The following PLEKHA7 variants were observed in gnomAD, a reference collection of about 807,000 sequenced individuals.
PLEKHA7 encodes the protein pleckstrin homology domain containing A7.
A neutral mutation model predicts 170.0 loss-of-function variants in PLEKHA7; 104 were observed. The ratio of observed to expected loss-of-function variants is 0.61; its 90% confidence interval spans 0.52 to 0.72. The LOEUF is 0.72. Among genes scored for constraint, PLEKHA7 ranks in the 30% least tolerant of loss-of-function variants. The probability of loss-of-function intolerance (pLI) is 0.00; values close to 1 mark genes in which losing one functional copy is unlikely to be tolerated. For missense variants in PLEKHA7, 1,615 were observed against 1,671.7 expected, an observed-to-expected ratio of 0.97 and a Z score of 0.59; for synonymous variants, 648 against 660.8, an observed-to-expected ratio of 0.98 and a Z score of 0.30.
chr11:16,811,077 C>T (rs568852959), intron 13 of PLEKHA7, among the ~76,000 whole-genome samples: 2 of 152,292 alleles, frequency 1.3e-5, no homozygotes, highest in African/African-American at 4.8e-5. Context: ...TTCTGCTGTG[C>T]CATTCTGTGG....
chr11:16,987,260 C>A (rs1307947903), intron 3 of PLEKHA7, among the ~76,000 whole-genome samples: 1 of 150,314 alleles, frequency 6.7e-6, no homozygotes, highest in South Asian at 2.1e-4. Context: ...TCCCATCCCC[C>A]ACACCCCCCA....
At chr11:16,910,057 T>C (rs1250861775) in intron 3 of PLEKHA7, among the ~76,000 whole-genome samples, 1 of 152,124 alleles carries the variant, frequency 6.6e-6, no homozygotes, top group Non-Finnish European at 1.5e-5. Flanking sequence ...AAGGATAATA[T>C]ACTTGGCCAA....
At chr11:16,790,715 C>A (rs1847779794) in intron 21 of PLEKHA7, 83 bp downstream of exon 21, 2 of 1,388,016 alleles carry the variant, frequency 1.4e-6, no homozygotes, top group Non-Finnish European at 2.0e-6. Context: ...GAGCTGCAGG[C>A]AGAAGGGTAC....
At chr11:16,845,052 G>T (rs982461219) in intron 8 of PLEKHA7, among the ~76,000 whole-genome samples, 2 of 152,234 alleles carry the variant, frequency 1.3e-5, no homozygotes, top group Non-Finnish European at 2.9e-5. Context: ...GCTGTGAGGA[G>T]AACAGGGGAG....
intron 3 of PLEKHA7, among the ~76,000 whole-genome samples, chr11:17,000,116 C>A (rs4757479): frequency 0.61 from 92,178 of 152,010 alleles, 28,669 homozygotes; most frequent in East Asian, 0.96. Flanking sequence ...CAGAGTCTCA[C>A]TCTGTCACCC....
Position 16,790,784 on chromosome 11 carries a change from G to C in PLEKHA7, c.3052+14C>G, listed in dbSNP as rs1258111431. The C allele has an allele frequency of 6.2e-7, 1 of 1,605,082 alleles. No homozygotes were observed. The highest frequency in any genetic ancestry group is 1.1e-5 in the South Asian group (1 of 89,776). ...GGGATTCCCAGAGAAACTCCAGGGA[G>C]GGCCCTGCCTTACCTCTGCCTGGCA... On this transcript the variant is annotated intron_variant, in intron 21 of 26. Coordinates refer to ENST00000531066, the MANE Select transcript of PLEKHA7 (RefSeq NM_001329630.2).
At position 16,803,060 on chromosome 11, in the gene PLEKHA7, C is replaced by G. The variant is rs1203675109; in HGVS notation, c.2077-8G>C. On this transcript the variant is annotated splice_region_variant and splice_polypyrimidine_tract_variant and intron_variant, in intron 14 of 26. Transcript: ENST00000531066. ...GAAGATGCTCAGTTTGACCTAAAAGCAAGAACAGGTGGAGAGGGCCTGGGG... is the reference window on the plus strand; with the variant it reads ...GAAGATGCTCAGTTTGACCTAAAAGGAAGAACAGGTGGAGAGGGCCTGGGG... 6.2e-7 allele frequency: 1 copy of G among 1,613,044 alleles called. No homozygotes were observed. The highest frequency in any genetic ancestry group is 1.7e-5 in the Admixed American group (1 of 60,026).
intron 3 of PLEKHA7, among the ~76,000 whole-genome samples, chr11:16,924,658 AGTGCTG>A (rs1565121332): frequency 6.6e-6 from 1 of 152,072 alleles, no homozygotes; most frequent in Non-Finnish European, 1.5e-5. Flanking sequence ...CTTCGGGGGC[AGTGCTG>A]GTGCCTTGGG....
intron 3 of PLEKHA7, among the ~76,000 whole-genome samples, chr11:16,964,933 T>C (rs1300697979): frequency 6.6e-6 from 1 of 152,106 alleles, no homozygotes; most frequent in African/African-American, 2.4e-5. Flanking sequence ...ACAGCAGGTA[T>C]GTATATAATT....
At chr11:16,898,700 T>C (rs1478029253) in intron 3 of PLEKHA7, among the ~76,000 whole-genome samples, 1 of 152,206 alleles carries the variant, frequency 6.6e-6, no homozygotes, top group Non-Finnish European at 1.5e-5. Context: ...CTGGCATGTG[T>C]TGGCTCCTCT....
intron 3 of PLEKHA7, among the ~76,000 whole-genome samples, chr11:16,923,787 C>T (rs557851873): frequency 1.1e-4 from 16 of 152,134 alleles, no homozygotes; most frequent in Non-Finnish European, 1.9e-4. Flanking sequence ...TAAACTCAGC[C>T]GCCTCTTGCA....
At chr11:16,931,755 T>TTCC (rs1859946752) in intron 3 of PLEKHA7, among the ~76,000 whole-genome samples, 1 of 124,682 alleles carries the variant, frequency 8.0e-6, no homozygotes, top group African/African-American at 3.4e-5. Flanking sequence ...TGAGATTCCA[T>TTCC]CCCCCCCCCC....
At chr11:16,786,581 T>C in intron 23 of PLEKHA7, 194 bp from the exon 24 acceptor site, 2 of 985,452 alleles carry the variant, frequency 2.0e-6, no homozygotes, top group Non-Finnish European at 2.4e-6. Flanking sequence ...CTCTCTGATC[T>C]GGGTTCCCAG....
At chr11:16,816,134 G>C in intron 12 of PLEKHA7, 44 bp downstream of exon 12, 1 of 1,494,222 alleles carries the variant, frequency 6.7e-7, no homozygotes. Flanking sequence ...GGAAAATGTT[G>C]ATGAGATAGG....
At chr11:16,951,818 T>A (rs1336106966) in intron 3 of PLEKHA7, among the ~76,000 whole-genome samples, 1 of 152,374 alleles carries the variant, frequency 6.6e-6, no homozygotes, top group African/African-American at 2.4e-5. Context: ...TGAGACTGGA[T>A]GATAAAGTGC....
At position 16,817,402 on chromosome 11, in the gene PLEKHA7, A is replaced by G. The variant is rs1363719224; in HGVS notation, c.1344-80T>C. On this transcript the variant is annotated intron_variant, in intron 10 of 26. Transcript: ENST00000531066. This position sits in a 1 kb window ranked among gnomAD's most constrained non-coding sequence, Gnocchi z 4.4. ...TTGGGGAACATATCTAAGTAAACCCACAAAGCTGGGCATGTGGGACAGTCC... is the reference window on the plus strand; with the variant it reads ...TTGGGGAACATATCTAAGTAAACCCGCAAAGCTGGGCATGTGGGACAGTCC... 2 of 1,407,892 alleles carry G rather than the reference A, an allele frequency of 1.4e-6. No individual in the cohort carries two copies. Among genetic ancestry groups the G allele is most frequent in the African/African-American group, 2.9e-5 (2 of 69,762 alleles). The allele number at this position is 1,407,892 out of a possible 1,614,324, so 87.2% of individuals were successfully genotyped here.
chr11:16,892,463 TGAGATA>T (rs1398825583), intron 3 of PLEKHA7, among the ~76,000 whole-genome samples: 2 of 147,150 alleles, frequency 1.4e-5, no homozygotes, highest in Admixed American at 1.4e-4. Context: ...TGTTTTGTTT[TGAGATA>T]AAGTATCACT....
At chr11:16,851,088 T>C in intron 8 of PLEKHA7, 103 bp downstream of exon 8, 1 of 802,460 alleles carries the variant, frequency 1.2e-6, no homozygotes, top group Non-Finnish European at 1.9e-6. Flanking sequence ...TGAAACTCTC[T>C]AGCTTCTTCC....
At position 16,783,897 on chromosome 11, in the gene PLEKHA7, C is replaced by T. The variant is rs534549766; in HGVS notation, c.3517-64G>A. ...GATGTCTGGGTTTAGGACTCGCTTT[C>T]CCCACCTCTGTCCCCTCCCACCATG... On this transcript the variant is annotated intron_variant, in intron 24 of 26. Coordinates refer to ENST00000531066, the MANE Select transcript of PLEKHA7 (RefSeq NM_001329630.2). The T allele has an allele frequency of 3.1e-5, 42 of 1,339,462 alleles. No homozygotes were observed. In the African/African-American group the frequency reaches 3.9e-4, roughly 13 times the overall value. 83.0% of individuals were successfully genotyped at this position (1,339,462 alleles called of 1,614,324 possible).
Sources: allele counts gnomAD v4.1 joint callset (sites outside exome capture counted in the v4.1 genomes callset), GRCh38; gene constraint gnomAD v4.1.1; non-coding constraint Gnocchi (gnomAD v3.1); transcripts MANE v1.5; gene names NCBI Gene and HGNC (gene_info 2026-07-23, HGNC 2026-07-21).